HYAL4: variants seen among roughly 807,000 people sequenced by gnomAD.
The protein encoded by HYAL4 is hyaluronidase-4.
Under a neutral mutation model 35.2 loss-of-function variants are expected in HYAL4, and 37 were observed. That is an observed-to-expected ratio of 1.05 (90% CI 0.81 to 1.38). HYAL4 has a LOEUF of 1.38. Among genes scored for constraint, HYAL4 ranks in the 40% most tolerant of loss-of-function variants. The probability of loss-of-function intolerance (pLI) is 0.00; values close to 1 mark genes in which losing one functional copy is unlikely to be tolerated. For missense variants in HYAL4, 572 were observed against 572.4 expected, an observed-to-expected ratio of 1.00 and a Z score of 0.01; for synonymous variants, 198 against 203.2, an observed-to-expected ratio of 0.97 and a Z score of 0.22.
In HYAL4 at chr7:123,877,097, G is replaced by T. The variant is rs764427808; in HGVS notation, c.1388G>T (p.Gly463Val). 1 of 1,614,034 alleles carries T rather than the reference G, an allele frequency of 6.2e-7. No individual in the cohort carries two copies. Among genetic ancestry groups the T allele is most frequent in the Non-Finnish European group, 8.5e-7 (1 of 1,180,034 alleles). The change falls in exon 5 of 5, where the codon GGT (glycine) becomes GTT (valine). Residue 463 changes from glycine (G) to valine (V), a missense_variant. By Grantham distance (109) the Gly-to-Val change is moderately radical (BLOSUM62 -3). Coordinates refer to ENST00000223026, the MANE Select transcript of HYAL4 (RefSeq NM_012269.3). ...TGCTCTGGGGTTTCCCCTTCTCCTG[G>T]TTCACTAATGACACTTTGTCTACTG... ...DGCSGVSPSP[G>V]SLMTLCLLLL...
chr7:123,789,340 C>A, the HYAL4 span, among the ~76,000 whole-genome samples: 287 of 152,246 alleles, frequency 1.9e-3, 5 homozygotes, highest in East Asian at 0.046. Context: ...TTAGAAGGGT[C>A]ATTGAACTAT....
chr7:123,844,344 T>C (rs1305935294), upstream of HYAL4: 2 of 152,274 alleles, frequency 1.3e-5, no homozygotes, highest in African/African-American at 2.4e-5. Context: ...ACCGCAAGTA[T>C]TGCAGAAGAG....
the HYAL4 span, among the ~76,000 whole-genome samples, chr7:123,809,722 A>G: frequency 6.6e-6 from 1 of 152,136 alleles, no homozygotes; most frequent in Non-Finnish European, 1.5e-5. Flanking sequence ...TTCTTGCATT[A>G]AGTACATTCA....
intron 3 of HYAL4, among the ~76,000 whole-genome samples, chr7:123,869,851 A>G (rs1472889843): frequency 1.1e-5 from 1 of 88,624 alleles, no homozygotes; most frequent in East Asian, 2.9e-4. Context: ...CCCCCCACCC[A>G]GCTAATTTTT....
chr7:123,839,131 C>T (rs1806013832), intron 1 of HYAL4, among the ~76,000 whole-genome samples: 1 of 152,056 alleles, frequency 6.6e-6, no homozygotes, highest in Admixed American at 6.6e-5. Flanking sequence ...TGCTATCCCT[C>T]CCCCAGCTCT....
At chr7:123,821,139 A>G in the HYAL4 span, among the ~76,000 whole-genome samples, 1 of 152,182 alleles carries the variant, frequency 6.6e-6, no homozygotes, top group Non-Finnish European at 1.5e-5. Flanking sequence ...TTGAGATTGC[A>G]ATTTCACTTC....
At chr7:123,869,881 G>A (rs566179181) in intron 3 of HYAL4, among the ~76,000 whole-genome samples, 1 of 149,024 alleles carries the variant, frequency 6.7e-6, no homozygotes, top group East Asian at 1.9e-4. Context: ...GTAAAGACGG[G>A]GTTTCACCAT....
chr7:123,764,621 G>A, the HYAL4 span, among the ~76,000 whole-genome samples: 4 of 152,216 alleles, frequency 2.6e-5, no homozygotes, highest in Non-Finnish European at 5.9e-5. Context: ...GTGACGAAGG[G>A]AAGATGCTTG....
chr7:123,832,505 TTTTTTTTTTTTTG>T (rs1805901215), intron 1 of HYAL4, among the ~76,000 whole-genome samples: 6 of 107,178 alleles, frequency 5.6e-5, no homozygotes, highest in African/African-American at 2.4e-4. Flanking sequence ...TTTTTTTTTT[TTTTTTTTTTTTTG>T]AGACAGAGTC....
At chr7:123,821,088 G>A in the HYAL4 span, among the ~76,000 whole-genome samples, 3 of 152,090 alleles carry the variant, frequency 2.0e-5, no homozygotes, top group Non-Finnish European at 4.4e-5. Flanking sequence ...CTTGGCTATT[G>A]TGAATAGTGC....
At chr7:123,811,838 G>T in the HYAL4 span, among the ~76,000 whole-genome samples, 739 of 151,094 alleles carry the variant, frequency 4.9e-3, 4 homozygotes, top group African/African-American at 0.017. Context: ...TACCTTTTTT[G>T]TTGTTGTTGT....
chr7:123,792,993 C>G, the HYAL4 span, among the ~76,000 whole-genome samples: 3 of 152,166 alleles, frequency 2.0e-5, no homozygotes, highest in Non-Finnish European at 4.4e-5. Flanking sequence ...ATCCCAGTCC[C>G]CTAGACTGGT....
chr7:123,817,884 A>G, the HYAL4 span, among the ~76,000 whole-genome samples: 6 of 148,128 alleles, frequency 4.1e-5, no homozygotes, highest in African/African-American at 7.4e-5. Context: ...TTATTTATGT[A>G]TTTATTTATT....
chr7:123,782,760 T>G, the HYAL4 span, among the ~76,000 whole-genome samples: 1 of 152,134 alleles, frequency 6.6e-6, no homozygotes, highest in South Asian at 2.1e-4. Context: ...TCTTAGAAAT[T>G]TACAACATGT....
At chr7:123,860,032 G>A (rs186561411) in intron 2 of HYAL4, among the ~76,000 whole-genome samples, 159 of 152,238 alleles carry the variant, frequency 1.0e-3, no homozygotes, top group African/African-American at 3.5e-3. Context: ...TGTGGAGGGA[G>A]GGAAGTGATC....
the HYAL4 span, among the ~76,000 whole-genome samples, chr7:123,783,990 T>C: frequency 6.6e-6 from 1 of 151,532 alleles, no homozygotes; most frequent in Non-Finnish European, 1.5e-5. Context: ...AATCTTACTA[T>C]TTTAGCAAGA....
At chr7:123,823,729 T>TA in the HYAL4 span, among the ~76,000 whole-genome samples, 1 of 146,112 alleles carries the variant, frequency 6.8e-6, no homozygotes, top group South Asian at 2.1e-4. Context: ...CATATATATT[T>TA]TATATATATA....
At chr7:123,788,926 A>G in the HYAL4 span, among the ~76,000 whole-genome samples, 29 of 152,330 alleles carry the variant, frequency 1.9e-4, no homozygotes, top group Admixed American at 1.4e-3. Context: ...GCTGCTTTTC[A>G]TCCTTTCTCT....
the HYAL4 span, among the ~76,000 whole-genome samples, chr7:123,795,367 T>A: frequency 3.9e-5 from 6 of 152,142 alleles, no homozygotes; most frequent in African/African-American, 1.4e-4. Context: ...TGTTTTAAAA[T>A]GCAAAGACAT....
Sources: gnomAD v4.1 joint callset for allele counts (sites outside exome capture counted in the v4.1 genomes callset) on GRCh38, gnomAD v4.1.1 for gene constraint, MANE v1.5 for transcripts, NCBI Gene and HGNC (gene_info 2026-07-23, HGNC 2026-07-21) for gene names.